The following TMCC3 variants were observed in gnomAD, a reference collection of about 807,000 sequenced individuals.
TMCC3 encodes transmembrane and coiled-coil domain protein 3.
Under a neutral mutation model 40.2 loss-of-function variants are expected in TMCC3, and 28 were observed. That is an observed-to-expected ratio of 0.70 (90% CI 0.52 to 0.95). The LOEUF (loss-of-function observed/expected upper bound fraction) is 0.95. Ranked by LOEUF, TMCC3 falls within the 40% of genes least tolerant of loss-of-function variation. The pLI is 0.00. For missense variants in TMCC3, 554 were observed against 615.2 expected, an observed-to-expected ratio of 0.90 and a Z score of 1.05; for synonymous variants, 255 against 248.5, an observed-to-expected ratio of 1.03 and a Z score of -0.25.
chr12:94,573,795 T>A (rs776421690), intron 3 of TMCC3, among the ~76,000 whole-genome samples: 1 of 151,102 alleles, frequency 6.6e-6, no homozygotes, highest in Admixed American at 6.6e-5. Flanking sequence ...TTCAGTACAC[T>A]CTGCCTGAGA....
At chr12:94,582,962 A>C (rs1298803490) in intron 1 of TMCC3, among the ~76,000 whole-genome samples, 1 of 106,092 alleles carries the variant, frequency 9.4e-6, no homozygotes, top group Non-Finnish European at 1.8e-5. Flanking sequence ...ATAGAAGGAG[A>C]ATCTTTTTTT....
rs1210403120 is a variant in TMCC3 at position 94,623,719 on chromosome 12, C to G, written c.78+26634G>C. Among the ~76,000 whole-genome samples, 3 of 152,358 alleles carry G rather than the reference C, an allele frequency of 2.0e-5. No homozygotes were observed. In the East Asian group the frequency reaches 5.8e-4, roughly 29 times the overall value. ...TGCCCTGGCTACTTGCCTAAGGAAA[C>G]ACGTGTGGGCTAGGCACCCATTACA... is the stretch of plus-strand genomic sequence containing the variant. On this transcript the variant is annotated intron_variant, in intron 1 of 3. Transcript: ENST00000261226.
In TMCC3 at chr12:94,571,311, C is replaced by G; in HGVS notation, c.*124G>C. On this transcript the variant is annotated 3_prime_UTR_variant, in exon 4 of 4. Coordinates refer to ENST00000261226, the MANE Select transcript of TMCC3 (RefSeq NM_020698.4). Reference sequence around the variant, plus strand: ...TTAAGAGAATTGTAGTTATTTACACCACACAGTCCTAGTTTTTCTTACACA... The same window carrying G: ...TTAAGAGAATTGTAGTTATTTACACGACACAGTCCTAGTTTTTCTTACACA... 1 of 979,454 alleles carries G rather than the reference C, an allele frequency of 1.0e-6. No homozygotes were observed. The highest frequency in any genetic ancestry group is 1.5e-6 in the Non-Finnish European group (1 of 667,208). The allele number at this position is 979,454 out of a possible 1,614,324, so 60.7% of individuals were successfully genotyped here.
In TMCC3 at chr12:94,593,398, AAAGAAGAAGAAGG is replaced by A. The variant is rs1173654063; in HGVS notation, c.79-10873_79-10861del. The stretch of plus-strand genomic sequence containing the variant: ...GAAAAGAAAAGAAAGAAGAAAGAAG[AAAGAAGAAGAAGG>A]AAGAAGAAGAAGGAAGAAGAAGGAG... On this transcript the variant is annotated intron_variant, in intron 1 of 3. Coordinates refer to ENST00000261226, the MANE Select transcript of TMCC3 (RefSeq NM_020698.4). Among the ~76,000 whole-genome samples the A allele has an allele frequency of 3.7e-4, 18 of 48,096 alleles. 4 individuals carry two copies. The highest frequency in any genetic ancestry group is 1.0e-3 in the African/African-American group (14 of 13,402). 31.6% of individuals were successfully genotyped at this position (48,096 alleles called of 152,430 possible).
At chr12:94,572,234 G>A (rs778323706) in intron 3 of TMCC3, among the ~76,000 whole-genome samples, 3 of 151,526 alleles carry the variant, frequency 2.0e-5, no homozygotes, top group East Asian at 1.9e-4. Flanking sequence ...TCCTGACCTC[G>A]TGATCGGCCC....
intron 1 of TMCC3, among the ~76,000 whole-genome samples, chr12:94,598,180 G>A (rs2068729711): frequency 6.6e-6 from 1 of 152,156 alleles, no homozygotes; most frequent in African/African-American, 2.4e-5. Context: ...TCTCAGAAAA[G>A]TGACTTACTA....
chr12:94,606,371 T>G (rs1291100385), intron 1 of TMCC3, among the ~76,000 whole-genome samples: 1 of 5,004 alleles, frequency 2.0e-4, no homozygotes. Context: ...TTTCTTATTC[T>G]TTTTTTTTTT....
At chr12:94,615,986 A>G in intron 1 of TMCC3, 1 of 985,432 alleles carries the variant, frequency 1.0e-6, no homozygotes, top group Non-Finnish European at 1.2e-6. Flanking sequence ...CTCCTGCCCG[A>G]GGCATTTGAA....
At chr12:94,627,833 T>C (rs1428685770) in intron 1 of TMCC3, among the ~76,000 whole-genome samples, 1 of 152,244 alleles carries the variant, frequency 6.6e-6, no homozygotes, top group South Asian at 2.1e-4. Flanking sequence ...TAACATACTA[T>C]ATATTTTATG....
At chr12:94,604,589 GAACCCAGCAGTTTGA>G (rs2068771431) in intron 1 of TMCC3, among the ~76,000 whole-genome samples, 1 of 145,246 alleles carries the variant, frequency 6.9e-6, no homozygotes, top group Non-Finnish European at 1.5e-5. Context: ...AGGATTACTT[GAACCCAGCAGTTTGA>G]GACCAGCTAG....
At chr12:94,600,787 T>C (rs2068747703) in intron 1 of TMCC3, among the ~76,000 whole-genome samples, 1 of 152,228 alleles carries the variant, frequency 6.6e-6, no homozygotes, top group Non-Finnish European at 1.5e-5. Context: ...ATTTTGGCTC[T>C]TATATATACT....
intron 1 of TMCC3, among the ~76,000 whole-genome samples, chr12:94,637,129 T>G (rs989087127): frequency 6.6e-6 from 1 of 152,114 alleles, no homozygotes; most frequent in African/African-American, 2.4e-5. Context: ...TACAAATCTA[T>G]GTAAAAGACC....
rs1003918289 is a variant in TMCC3 at position 94,569,537 on chromosome 12, G to A, written c.*1898C>T. 6.6e-6 allele frequency: 1 copy of A among 152,054 alleles called. No homozygotes were observed. Among genetic ancestry groups the A allele is most frequent in the Non-Finnish European group, 1.5e-5 (1 of 68,010 alleles). 9.4% of individuals were successfully genotyped at this position (152,054 alleles called of 1,614,324 possible). A position where few individuals can be genotyped will look rare whatever the true frequency, so the allele number is the denominator to read the frequency against. ...GAATCCAAAATACTTTATCACCAAA[G>A]ATTTCATGAAATGACATTTATTGTT... On this transcript the variant is annotated 3_prime_UTR_variant, in exon 4 of 4. Coordinates refer to ENST00000261226, the MANE Select transcript of TMCC3 (RefSeq NM_020698.4).
At position 94,582,020 on chromosome 12, in the gene TMCC3, AACG is replaced by A. The variant is rs767919200; in HGVS notation, c.594_596del (p.Val199del). Reference sequence around the variant, plus strand: ...TGGCAAACTCTCTGGACTTATTGAAAACGAACACAGGTGGAGTAAGTGAGACCC... The same window carrying A: ...TGGCAAACTCTCTGGACTTATTGAAAAACACAGGTGGAGTAAGTGAGACCC... On this transcript the variant is annotated inframe_deletion, in exon 2 of 4. Transcript: ENST00000261226. 1.2e-6 allele frequency: 2 copies of A among 1,614,150 alleles called. No homozygotes were observed. Among genetic ancestry groups the A allele is most frequent in the Non-Finnish European group, 1.7e-6 (2 of 1,180,010 alleles).
At chr12:94,575,897 G>A (rs542600783) in intron 3 of TMCC3, among the ~76,000 whole-genome samples, 10 of 152,018 alleles carry the variant, frequency 6.6e-5, no homozygotes, top group East Asian at 1.9e-4. Context: ...CTCCTCCCTC[G>A]TCGGCCTCTC....
chr12:94,630,102 C>A (rs1028519980), intron 1 of TMCC3, among the ~76,000 whole-genome samples: 9 of 151,892 alleles, frequency 5.9e-5, no homozygotes, highest in Non-Finnish European at 1.2e-4. Context: ...CCCGTCTGTA[C>A]AAAAAATACA....
intron 3 of TMCC3, among the ~76,000 whole-genome samples, chr12:94,577,401 G>A (rs905669164): frequency 6.6e-6 from 1 of 152,084 alleles, no homozygotes; most frequent in East Asian, 1.9e-4. Flanking sequence ...TGTTAGCCAG[G>A]ATGGTCTCAA....
intron 1 of TMCC3, among the ~76,000 whole-genome samples, chr12:94,624,967 C>T (rs1266127064): frequency 6.6e-6 from 1 of 151,544 alleles, no homozygotes; most frequent in African/African-American, 2.4e-5. Flanking sequence ...ATGGTGAAAC[C>T]TTGTCTCTAC....
chr12:94,615,650 T>C (rs2068843699), intron 1 of TMCC3, among the ~76,000 whole-genome samples: 2 of 152,198 alleles, frequency 1.3e-5, no homozygotes, highest in African/African-American at 4.8e-5. Flanking sequence ...CAGATATTTG[T>C]CCATCTGTTA....
Sources: gnomAD v4.1 joint callset for allele counts (sites outside exome capture counted in the v4.1 genomes callset) on GRCh38, gnomAD v4.1.1 for gene constraint, MANE v1.5 for transcripts, NCBI Gene and HGNC (gene_info 2026-07-23, HGNC 2026-07-21) for gene names.